Variants in NBPF8 observed in about 807,000 individuals in gnomAD.
NBPF8 encodes the protein NBPF member 8, also known as NBPF family member NBPF8.
chr1:120,434,139 G>T (rs1429218532), upstream of NBPF8: 2 of 152,148 alleles, frequency 1.3e-5, no homozygotes, highest in African/African-American at 4.8e-5. Flanking sequence ...GGTGGGGGAG[G>T]CGGAGAGCTC....
At chr1:120,434,561 G>C (rs1405715944), upstream of NBPF8, among the ~76,000 whole-genome samples, 1 of 150,718 alleles carries the variant, frequency 6.6e-6, no homozygotes, top group Non-Finnish European at 1.5e-5. Flanking sequence ...CTGTGTCCAA[G>C]TGTTCTCATT....
intron 11 of NBPF8, among the ~76,000 whole-genome samples, chr1:120,449,731 A>G (rs587693972): frequency 6.6e-6 from 1 of 152,226 alleles, no homozygotes; most frequent in East Asian, 1.9e-4. Context: ...CCTGCAGACA[A>G]ATAACATCTA....
At chr1:120,435,823 G>A (rs1336953083), upstream of NBPF8, among the ~76,000 whole-genome samples, 21 of 151,342 alleles carry the variant, frequency 1.4e-4, no homozygotes, top group Non-Finnish European at 2.8e-4. Flanking sequence ...CCTAGATCGC[G>A]TCACTGCACT....
At chr1:120,464,151 G>T (rs1412136231) in intron 22 of NBPF8, among the ~76,000 whole-genome samples, 11 of 102,866 alleles carry the variant, frequency 1.1e-4, no homozygotes, top group African/African-American at 4.8e-4. Flanking sequence ...GTGTGTGTGT[G>T]TGTGTGTGTG....
At chr1:120,453,578 G>A in intron 14 of NBPF8, 134 bp downstream of exon 12, 1 of 897,944 alleles carries the variant, frequency 1.1e-6, no homozygotes, top group Non-Finnish European at 1.8e-6. Context: ...ATATAACCCA[G>A]CTTAGACACA....
chr1:120,464,825 G>C (rs1318012577), intron 23 of NBPF8, among the ~76,000 whole-genome samples: 15 of 141,626 alleles, frequency 1.1e-4, no homozygotes, highest in Non-Finnish European at 1.7e-4. Flanking sequence ...CAAATTCAGA[G>C]AACTATGATT....
upstream of NBPF8, among the ~76,000 whole-genome samples, chr1:120,415,484 T>C (rs1322836643): frequency 5.3e-5 from 8 of 152,190 alleles, no homozygotes; most frequent in East Asian, 1.5e-3. Context: ...AGCCCTCATC[T>C]CTTGGGCGCT....
At chr1:120,465,163 C>T in intron 23 of NBPF8, 100 bp from the exon 22 acceptor site, 1 of 270,148 alleles carries the variant, frequency 3.7e-6, no homozygotes, top group South Asian at 2.4e-5. Context: ...TATTCTTATG[C>T]TGAGGAGCCT....
chr1:120,460,366 C>A (rs1661545787), intron 17 of NBPF8, among the ~76,000 whole-genome samples: 1 of 152,154 alleles, frequency 6.6e-6, no homozygotes, highest in South Asian at 2.1e-4. Flanking sequence ...CATTCCAACT[C>A]AGGGGAATTT....
chr1:120,436,645 A>C lies in NBPF8; in HGVS notation n.293A>C, dbSNP rs1661091821. On this transcript the variant is annotated non_coding_transcript_exon_variant, in exon 1 of 25. Transcript: ENST00000583271. ...AGCAGTTCGTAAACCTCAAAGAGAG[A>C]TGTTTTCTAACTCAACTGGCCGGCT... The C allele has an allele frequency of 2.6e-6, 4 of 1,522,312 alleles. No individual in the cohort carries two copies. The South Asian group carries it at 4.5e-5, about 17-fold the overall frequency. The allele number at this position is 1,522,312 out of a possible 1,614,324, so 94.3% of individuals were successfully genotyped here.
chr1:120,431,881 G>A (rs1324215039), upstream of NBPF8, among the ~76,000 whole-genome samples: 1 of 144,726 alleles, frequency 6.9e-6, no homozygotes, highest in Non-Finnish European at 1.5e-5. Flanking sequence ...GAACTGGGGA[G>A]GAAGAGAGTT....
At chr1:120,464,152 T>G (rs1374008164) in intron 22 of NBPF8, among the ~76,000 whole-genome samples, 1 of 104,932 alleles carries the variant, frequency 9.5e-6, no homozygotes, top group Non-Finnish European at 1.8e-5. Context: ...TGTGTGTGTG[T>G]GTGTGTGTGT....
intron 11 of NBPF8, among the ~76,000 whole-genome samples, chr1:120,450,195 C>T (rs1461909910): frequency 6.6e-6 from 1 of 151,882 alleles, no homozygotes; most frequent in Non-Finnish European, 1.5e-5. Flanking sequence ...CCATTGCACT[C>T]CAGCCTGGGC....
chr1:120,428,573 G>A (rs1207133371), intron 3 of NBPF8, among the ~76,000 whole-genome samples: 1 of 152,128 alleles, frequency 6.6e-6, no homozygotes, highest in East Asian at 1.9e-4. Context: ...TTATTGAAAA[G>A]GTGAAGAAGC....
At chr1:120,463,110 C>G (rs1353509538) in intron 21 of NBPF8, 144 bp downstream of exon 19, 1 of 700,702 alleles carries the variant, frequency 1.4e-6, no homozygotes. Context: ...TGTAATGAGA[C>G]TGTAGTCTCA....
intron 3 of NBPF8, among the ~76,000 whole-genome samples, chr1:120,428,588 T>C (rs1660786308): frequency 6.6e-6 from 1 of 152,150 alleles, no homozygotes; most frequent in Admixed American, 6.5e-5. Flanking sequence ...AGAAGCATCT[T>C]GCAGAAGCAA....
chr1:120,452,822 G>C (rs1553249115), intron 13 of NBPF8, among the ~76,000 whole-genome samples: 1 of 151,604 alleles, frequency 6.6e-6, no homozygotes, highest in African/African-American at 2.4e-5. Context: ...TGAGATGAAG[G>C]CCCTCGCCGT....
chr1:120,420,409 C>A (rs1445348420), intron 1 of NBPF8, among the ~76,000 whole-genome samples: 1 of 136,866 alleles, frequency 7.3e-6, no homozygotes, highest in Admixed American at 7.0e-5. Flanking sequence ...CCTTGCTCTT[C>A]CCCTCTTACC....
At chr1:120,427,966 G>A (rs1371138623) in intron 3 of NBPF8, among the ~76,000 whole-genome samples, 119 bp downstream of exon 3, 5 of 152,036 alleles carry the variant, frequency 3.3e-5, no homozygotes, top group Non-Finnish European at 7.4e-5. Flanking sequence ...AGTTTTCTTT[G>A]TATCACTTTA....
Sources: allele counts gnomAD v4.1 joint callset (sites outside exome capture counted in the v4.1 genomes callset), GRCh38; gene constraint gnomAD v4.1.1; transcripts MANE v1.5; gene names NCBI Gene and HGNC (gene_info 2026-07-23, HGNC 2026-07-21).